SYNE1: variants seen among roughly 807,000 people sequenced by gnomAD.
SYNE1 encodes spectrin repeat containing nuclear envelope protein 1.
A neutral mutation model predicts 1,111.0 loss-of-function variants in SYNE1; 616 were observed. That is an observed-to-expected ratio of 0.55 (90% CI 0.52 to 0.59). The LOEUF (loss-of-function observed/expected upper bound fraction) is 0.59. Ranked by LOEUF, SYNE1 falls within the 20% of genes least tolerant of loss-of-function variation. The pLI, the probability that SYNE1 is intolerant of heterozygous loss-of-function variation, is 0.00. For missense variants in SYNE1, 10,006 were observed against 10,417.0 expected, an observed-to-expected ratio of 0.96 and a Z score of 1.72; for synonymous variants, 3,855 against 3,825.8, an observed-to-expected ratio of 1.01 and a Z score of -0.28.
intron 127 of SYNE1, among the ~76,000 whole-genome samples, chr6:152,193,811 A>G (rs903768470): frequency 6.6e-6 from 1 of 151,960 alleles, no homozygotes; most frequent in African/African-American, 2.4e-5. Flanking sequence ...GGAGATCGAA[A>G]CCATCCTGAC....
At chr6:152,526,768 C>T (rs190116914) in intron 4 of SYNE1, among the ~76,000 whole-genome samples, 2 of 152,176 alleles carry the variant, frequency 1.3e-5, no homozygotes, top group African/African-American at 4.8e-5. Context: ...ATCTAGCGAA[C>T]CTTCTTTCAG....
chr6:152,539,300 A>G (rs1384865035), intron 4 of SYNE1, among the ~76,000 whole-genome samples: 1 of 152,194 alleles, frequency 6.6e-6, no homozygotes, highest in African/African-American at 2.4e-5. Flanking sequence ...ATTTATTTTT[A>G]CAAATATGAT....
intron 46 of SYNE1, 111 bp from the exon 47 acceptor site, chr6:152,401,452 A>G: frequency 9.3e-7 from 1 of 1,073,198 alleles, no homozygotes; most frequent in Non-Finnish European, 1.4e-6. Context: ...AAGTCTCATC[A>G]TGGAAGCCAG....
rs1022503953 is a variant in SYNE1 at position 152,263,558 on chromosome 6, AT to A, written c.18816-1371del. On this transcript the variant is annotated intron_variant, in intron 100 of 145. Transcript: ENST00000367255. ...TGGTATGCACCACCAGACTTGGCTAATTTTTTTTTTTTTAATTCTTTGTAGA... is the reference window on the plus strand; with the variant it reads ...TGGTATGCACCACCAGACTTGGCTAATTTTTTTTTTTTAATTCTTTGTAGA... Among the ~76,000 whole-genome samples the A allele has an allele frequency of 2.6e-3, 372 of 144,462 alleles. 1 individual carries two copies. Among genetic ancestry groups the A allele is most frequent in the African/African-American group, 6.2e-3 (246 of 39,532 alleles). The allele number at this position is 144,462 out of a possible 152,430, so 94.8% of individuals were successfully genotyped here. A position where few individuals can be genotyped will look rare whatever the true frequency, so the allele number is the denominator to read the frequency against.
intron 140 of SYNE1, among the ~76,000 whole-genome samples, chr6:152,138,713 G>A (rs1357797882): frequency 2.0e-5 from 3 of 152,008 alleles, no homozygotes; most frequent in Non-Finnish European, 4.4e-5. Flanking sequence ...TTGAGGAGGA[G>A]CACATCTTAA....
At position 152,484,766 on chromosome 6, in the gene SYNE1, A is replaced by C; in HGVS notation, c.1185+69T>G. 1.9e-6 allele frequency: 3 copies of C among 1,549,736 alleles called. No homozygotes were observed. In the South Asian group the frequency reaches 3.4e-5, roughly 17 times the overall value. ...ACCTGTTGCCATACCACTGTGTAGA[A>C]ATAGATGATGAAAAATATTCTTTTC... On this transcript the variant is annotated intron_variant, in intron 13 of 145. Transcript: ENST00000367255.
chr6:152,463,184 T>C (rs955896871), intron 19 of SYNE1, among the ~76,000 whole-genome samples, 169 bp downstream of exon 19: 7 of 152,156 alleles, frequency 4.6e-5, no homozygotes, highest in Non-Finnish European at 7.3e-5. Context: ...ATTCCTCCAT[T>C]ATACATGGAA....
chr6:152,578,676 C>T (rs528714448), intron 3 of SYNE1, among the ~76,000 whole-genome samples: 367 of 152,252 alleles, frequency 2.4e-3, no homozygotes, highest in African/African-American at 8.1e-3. Flanking sequence ...TTTCAAGATT[C>T]CCTTTGAAAT....
At chr6:152,304,290 A>G (rs2095305755) in intron 91 of SYNE1, among the ~76,000 whole-genome samples, 1 of 152,104 alleles carries the variant, frequency 6.6e-6, no homozygotes, top group Admixed American at 6.5e-5. Flanking sequence ...CTTTCGCACA[A>G]TGGTTTGCCA....
In SYNE1 at chr6:152,297,810, TGTGTGTGTGTGTGCGC is replaced by T. The variant is rs745679479; in HGVS notation, c.17682+2815_17682+2830del. ...GTGTGTGTGTGTGTGTGTGTGTGTG[TGTGTGTGTGTGTGCGC>T]GCGCACGTGGCTCATGCCTACAGAT... is the stretch of plus-strand genomic sequence containing the variant. On this transcript the variant is annotated intron_variant, in intron 93 of 145. Transcript: ENST00000367255. Among the ~76,000 whole-genome samples the T allele has an allele frequency of 5.2e-3, 541 of 103,090 alleles. 3 individuals carry two copies. The highest frequency in any genetic ancestry group is 0.019 in the Middle Eastern group (4 of 208). The allele number at this position is 103,090 out of a possible 152,430, so 67.6% of individuals were successfully genotyped here.
At chr6:152,396,013 A>G (rs545474873) in intron 50 of SYNE1, among the ~76,000 whole-genome samples, 1 of 152,322 alleles carries the variant, frequency 6.6e-6, no homozygotes, top group African/African-American at 2.4e-5. Context: ...ATTGGGGCCA[A>G]TGGATATGAA....
At chr6:152,404,670 A>T (rs2097868445) in intron 45 of SYNE1, among the ~76,000 whole-genome samples, 1 of 152,200 alleles carries the variant, frequency 6.6e-6, no homozygotes, top group Non-Finnish European at 1.5e-5. Context: ...ACTGGTTACT[A>T]TGGCAGCATG....
At chr6:152,600,451 T>C (rs972783522) in intron 3 of SYNE1, among the ~76,000 whole-genome samples, 1 of 152,254 alleles carries the variant, frequency 6.6e-6, no homozygotes, top group African/African-American at 2.4e-5. Flanking sequence ...ACCTTTCTTT[T>C]TGGCATCTTC....
At chr6:152,370,397 AATG>A (rs2097160120) in intron 59 of SYNE1, among the ~76,000 whole-genome samples, 2 of 152,202 alleles carry the variant, frequency 1.3e-5, no homozygotes, top group African/African-American at 4.8e-5. Flanking sequence ...GATTTTCATT[AATG>A]AGGGTACAAG....
chr6:152,148,270 G>C lies in SYNE1; in HGVS notation c.24751C>G (p.Pro8251Ala), dbSNP rs1398442733. 1 of 1,613,650 alleles carries C rather than the reference G, an allele frequency of 6.2e-7. No individual in the cohort carries two copies. Among genetic ancestry groups the C allele is most frequent in the South Asian group, 1.1e-5 (1 of 91,012 alleles). ...HDRSADSLLS[P>A]QPSSNLSLSL... is the part of the protein sequence containing the mutation. The stretch of plus-strand genomic sequence containing the variant: ...AGGGAGAGATTGGAGGAAGGCTGTG[G>C]AGAAAGCAGGCTGTCTGCAGAGCGG... The change falls in exon 137 of 146, where the codon CCA becomes GCA. Residue 8251 changes from proline to alanine, a missense_variant. This residue lies in a region of SYNE1 where 761 missense variants were observed against 795.5 expected (regional missense o/e 0.96). Coordinates refer to ENST00000367255, the MANE Select transcript of SYNE1 (RefSeq NM_182961.4). This position sits in a 1 kb window ranked among gnomAD's most constrained non-coding sequence, Gnocchi z 4.1.
chr6:152,477,516 T>A (rs1341379460), intron 14 of SYNE1, among the ~76,000 whole-genome samples: 2 of 152,204 alleles, frequency 1.3e-5, no homozygotes, highest in East Asian at 3.8e-4. Flanking sequence ...TGCTTGCCTG[T>A]TTGATGTCAT....
chr6:152,581,893 G>A (rs1366686079), intron 3 of SYNE1, among the ~76,000 whole-genome samples: 2 of 152,030 alleles, frequency 1.3e-5, no homozygotes, highest in African/African-American at 4.8e-5. Flanking sequence ...CTCTTCTTGT[G>A]AACACTAGAT....
rs2098122453 is a variant in SYNE1 at position 152,414,505 on chromosome 6, C to T, written c.6051-974G>A. 2.0e-5 allele frequency among the ~76,000 whole-genome samples: 3 copies of T among 152,204 alleles called. No homozygotes were observed. In the South Asian group the frequency reaches 6.2e-4, roughly 31 times the overall value. On this transcript the variant is annotated intron_variant, in intron 41 of 145. Transcript: ENST00000367255. ...AGAGTTCACACAATGAGTCTACATGCTTTATCCCATTTAATTCCTAAAAGA... is the reference window on the plus strand; with the variant it reads ...AGAGTTCACACAATGAGTCTACATGTTTTATCCCATTTAATTCCTAAAAGA...
chr6:152,369,086 G>T lies in SYNE1; in HGVS notation c.9693C>A (p.Asn3231Lys). ...GCTGCTGAGCTTTCTCTTTCAGCCT[G>T]TTGAGCTGAGGCTCGTAGCAGTGTA... Reference protein sequence around the residue: ...EEIHCYEPQLNRLKEKAQQLW... With the variant: ...EEIHCYEPQLKRLKEKAQQLW... Residue 3231 changes from asparagine to lysine, a missense_variant, in exon 61 of 146, where the codon AAC becomes AAA. Physicochemically the swap from Asn to Lys is moderately conservative, Grantham distance 94 (BLOSUM62 0). Transcript: ENST00000367255. The T allele has an allele frequency of 6.2e-7, 1 of 1,614,118 alleles. No homozygotes were observed. The highest frequency in any genetic ancestry group is 1.1e-5 in the South Asian group (1 of 91,084).
Sources: gnomAD v4.1 joint callset for allele counts (sites outside exome capture counted in the v4.1 genomes callset) on GRCh38, gnomAD v4.1.1 for gene constraint, gnomAD v4.1.1 regional missense constraint, Gnocchi (gnomAD v3.1) non-coding constraint, MANE v1.5 for transcripts, NCBI Gene and HGNC (gene_info 2026-07-23, HGNC 2026-07-21) for gene names.